The following CEP126 variants were observed in gnomAD, a reference collection of about 807,000 sequenced individuals.
The protein encoded by CEP126 is centrosomal protein 126.
CEP126 carries 74 observed loss-of-function variants against 107.8 expected under a neutral mutation model. That is an observed-to-expected ratio of 0.69 (90% CI 0.57 to 0.83). The LOEUF is 0.83. CEP126 is among the 40% of genes least tolerant of loss of function. CEP126 has a pLI of 0.00. For synonymous variants in CEP126, 449 were observed against 446.0 expected (o/e 1.01, Z -0.08); for missense variants, 1,237 against 1,281.9 (o/e 0.96, Z 0.53).
chr11:101,956,627 TCTA>T (rs1565359061), intron 4 of CEP126: 1 of 456,388 alleles, frequency 2.2e-6, no homozygotes, highest in Non-Finnish European at 4.4e-6. Flanking sequence ...GACTTCCTGT[TCTA>T]CTTCTCCATC....
In CEP126 at chr11:101,915,279, T is replaced by A. The variant is rs1400931839; in HGVS notation, c.-6T>A. The A allele has an allele frequency of 1.9e-6, 3 of 1,613,228 alleles. No individual in the cohort carries two copies. The African/African-American group carries it at 4.0e-5, about 22-fold the overall frequency. On this transcript the variant is annotated 5_prime_UTR_variant, in exon 1 of 11. It removes the in-frame stop codon of an upstream open reading frame in the 5' UTR. Transcript: ENST00000263468. ...GGCGAGCAGACAGGCGGCGCTGAAG[T>A]GAAGGATGCTGGCGGGGAGGCCCGG...
intron 8 of CEP126, among the ~76,000 whole-genome samples, chr11:101,986,628 C>A (rs1941319008): frequency 6.6e-6 from 1 of 152,002 alleles, no homozygotes. Context: ...TTTTGAATAT[C>A]CTTTTTTAAA....
rs1940984305 is a variant in CEP126 at position 101,962,176 on chromosome 11, A to C, written c.1141A>C (p.Lys381Gln). 6.2e-7 allele frequency: 1 copy of C among 1,613,762 alleles called. No individual in the cohort carries two copies. Among genetic ancestry groups the C allele is most frequent in the Non-Finnish European group, 8.5e-7 (1 of 1,179,818 alleles). The change falls in exon 6 of 11, where the codon AAA (lysine) becomes CAA (glutamine). Residue 381 changes from lysine (K) to glutamine (Q), a missense_variant. Physicochemically the swap from Lys to Gln is moderately conservative, Grantham distance 53 (BLOSUM62 1). This residue lies in a region of CEP126 where 1,134 missense variants were observed against 1,150.5 expected (regional missense o/e 0.99). Transcript: ENST00000263468. ...TAGCCCACCCATGTTTGTACTAGATAAAAAATGTGAAAAGACCTCTGAAAC... is the reference window on the plus strand; with the variant it reads ...TAGCCCACCCATGTTTGTACTAGATCAAAAATGTGAAAAGACCTCTGAAAC... The part of the protein sequence containing the change: ...VSSPPMFVLD[K>Q]KCEKTSETST...
At chr11:101,926,570 C>T (rs550379174) in intron 2 of CEP126, among the ~76,000 whole-genome samples, 4 of 152,128 alleles carry the variant, frequency 2.6e-5, no homozygotes, top group Non-Finnish European at 2.9e-5. Flanking sequence ...GAATTGAAAA[C>T]AGGCTGGAGG....
chr11:101,921,410 A>T (rs1940323286), intron 1 of CEP126, among the ~76,000 whole-genome samples: 1 of 152,118 alleles, frequency 6.6e-6, no homozygotes, highest in Non-Finnish European at 1.5e-5. Context: ...AAGTACTCAA[A>T]TATCTGTGTA....
At chr11:101,936,572 G>C (rs1565352589) in intron 2 of CEP126, among the ~76,000 whole-genome samples, 1 of 152,040 alleles carries the variant, frequency 6.6e-6, no homozygotes, top group Admixed American at 6.5e-5. Context: ...GTTGGCCTCA[G>C]TGAACTTTCT....
chr11:101,937,451 T>C (rs1940599342), intron 2 of CEP126, among the ~76,000 whole-genome samples: 1 of 152,226 alleles, frequency 6.6e-6, no homozygotes. Flanking sequence ...AGGCAGACTT[T>C]CAGTCTTCAT....
At chr11:101,938,025 C>G (rs1393888158) in intron 2 of CEP126, among the ~76,000 whole-genome samples, 1 of 151,176 alleles carries the variant, frequency 6.6e-6, no homozygotes, top group South Asian at 2.1e-4. Flanking sequence ...TGGTGGCGGA[C>G]GCCTGTAGTC....
chr11:101,958,978 TA>T (rs1940936496), intron 5 of CEP126, among the ~76,000 whole-genome samples: 1 of 152,088 alleles, frequency 6.6e-6, no homozygotes, highest in South Asian at 2.1e-4. Flanking sequence ...CAACTGCTTG[TA>T]GACATGGGTC....
intron 4 of CEP126, 144 bp from the exon 5 acceptor site, chr11:101,958,024 A>C: frequency 1.4e-6 from 1 of 693,112 alleles, no homozygotes; most frequent in Non-Finnish European, 2.4e-6. Context: ...TCATTCTAAC[A>C]TGTCTATATA....
At position 101,963,063 on chromosome 11, in the gene CEP126, T is replaced by C; in HGVS notation, c.2028T>C (p.Val676=). The change falls in exon 6 of 11, where the codon GTT becomes GTC. Residue 676 remains valine (V), a synonymous_variant. Transcript: ENST00000263468. ...QSGAGSNIIS[V]STCAVNSADT... ...GTGCTGGAAGCAACATAATTAGTGTTTCTACTTGTGCTGTAAATTCTGCTG... is the reference window on the plus strand; with the variant it reads ...GTGCTGGAAGCAACATAATTAGTGTCTCTACTTGTGCTGTAAATTCTGCTG... 3 of 1,614,134 alleles carry C rather than the reference T, an allele frequency of 1.9e-6. No individual in the cohort carries two copies. Among genetic ancestry groups the C allele is most frequent in the Non-Finnish European group, 2.5e-6 (3 of 1,179,990 alleles).
chr11:101,968,111 A>G (rs1361135851), intron 6 of CEP126, among the ~76,000 whole-genome samples: 1 of 152,232 alleles, frequency 6.6e-6, no homozygotes. Flanking sequence ...TTAGCCATGA[A>G]GGGTAAGAGC....
chr11:101,933,817 C>A (rs183135969), intron 2 of CEP126, among the ~76,000 whole-genome samples: 6 of 149,052 alleles, frequency 4.0e-5, no homozygotes, highest in Non-Finnish European at 7.4e-5. Context: ...CCCCGAGACC[C>A]CCCCCCCACC....
intron 2 of CEP126, among the ~76,000 whole-genome samples, chr11:101,924,438 CTGTGTGTG>C (rs34042050): frequency 6.7e-6 from 1 of 149,326 alleles, no homozygotes; most frequent in South Asian, 2.1e-4. Flanking sequence ...TGTTTTGGGG[CTGTGTGTG>C]TGTGTGTGTG....
At chr11:101,971,481 A>G (rs1158727811) in intron 6 of CEP126, among the ~76,000 whole-genome samples, 1 of 152,200 alleles carries the variant, frequency 6.6e-6, no homozygotes, top group African/African-American at 2.4e-5. Flanking sequence ...TTTAGCAGAG[A>G]TAGCTATAAA....
intron 6 of CEP126, among the ~76,000 whole-genome samples, chr11:101,974,225 C>T (rs913560936): frequency 6.6e-6 from 1 of 152,120 alleles, no homozygotes; most frequent in African/African-American, 2.4e-5. Flanking sequence ...TAGGCAGTAA[C>T]AAGCAGATCT....
At chr11:101,978,953 AC>A (rs1444513553) in intron 7 of CEP126, among the ~76,000 whole-genome samples, 13 of 151,908 alleles carry the variant, frequency 8.6e-5, no homozygotes, top group Admixed American at 6.6e-4. Flanking sequence ...ACATGGTGAA[AC>A]CCCCGTCTCT....
rs1335262889 is a variant in CEP126, at chr11:102,000,779, AG to A, written c.*3138del. ...AGAAAAGTTTAAACACATTTCCGAGAGGCAGGGCAACTAATAACTGGTCAGA... is the reference window on the plus strand; with the variant it reads ...AGAAAAGTTTAAACACATTTCCGAGAGCAGGGCAACTAATAACTGGTCAGA... On this transcript the variant is annotated 3_prime_UTR_variant, in exon 11 of 11. Coordinates refer to ENST00000263468, the MANE Select transcript of CEP126 (RefSeq NM_020802.4). 6.6e-6 allele frequency: 1 copy of A among 152,192 alleles called. No homozygotes were observed. The highest frequency in any genetic ancestry group is 1.5e-5 in the Non-Finnish European group (1 of 68,032). The allele number at this position is 152,192 out of a possible 1,614,324, so 9.4% of individuals were successfully genotyped here.
At chr11:101,958,066 G>T in intron 4 of CEP126, 102 bp from the exon 5 acceptor site, 1 of 956,970 alleles carries the variant, frequency 1.0e-6, no homozygotes, top group Non-Finnish European at 1.6e-6. Context: ...TGGTTATCTG[G>T]ACAAACACAC....
Sources: allele counts gnomAD v4.1 joint callset (sites outside exome capture counted in the v4.1 genomes callset), GRCh38; gene constraint gnomAD v4.1.1; regional missense constraint gnomAD v4.1.1; transcripts MANE v1.5; gene names NCBI Gene and HGNC (gene_info 2026-07-23, HGNC 2026-07-21).